The following ARMH1 variants were observed in gnomAD, a reference collection of about 807,000 sequenced individuals.
The protein encoded by ARMH1 is armadillo-like helical domain containing protein 1.
Under a neutral mutation model 50.2 loss-of-function variants are expected in ARMH1, and 34 were observed. The ratio of observed to expected loss-of-function variants is 0.68; its 90% CI spans 0.51 to 0.90. The LOEUF (loss-of-function observed/expected upper bound fraction) is 0.90, where lower values mean the gene tolerates loss of function less well. Ranked by LOEUF, ARMH1 falls within the 40% of genes least tolerant of loss-of-function variation. The probability of loss-of-function intolerance (pLI) is 0.00; values close to 1 mark genes in which losing one functional copy is unlikely to be tolerated. For missense variants in ARMH1, 538 were observed against 553.9 expected (o/e 0.97, Z 0.29); for synonymous variants, 221 against 224.2 (o/e 0.99, Z 0.13).
chr1:44,722,224 G>C (rs113748310), intron 6 of ARMH1, among the ~76,000 whole-genome samples: 86 of 152,178 alleles, frequency 5.7e-4, no homozygotes, highest in South Asian at 1.9e-3. Context: ...GAGAGCACAT[G>C]GCCAAGTCCT....
At chr1:44,704,896 G>A (rs147003478) in intron 6 of ARMH1, among the ~76,000 whole-genome samples, 4,069 of 149,044 alleles carry the variant, frequency 0.027, 143 homozygotes, top group African/African-American at 0.082. Context: ...GTGCAGTGGC[G>A]CAATCTCAGC....
At chr1:44,719,127 C>A (rs1646975844) in intron 6 of ARMH1, among the ~76,000 whole-genome samples, 1 of 152,004 alleles carries the variant, frequency 6.6e-6, no homozygotes, top group Non-Finnish European at 1.5e-5. Flanking sequence ...GTCTGTCCCC[C>A]AAAGGGTGAA....
intron 2 of ARMH1, among the ~76,000 whole-genome samples, chr1:44,692,323 C>T (rs1400810071): frequency 6.6e-6 from 1 of 152,160 alleles, no homozygotes; most frequent in Admixed American, 6.5e-5. Context: ...TCAATTTAAA[C>T]ATCACTTTCT....
intron 4 of ARMH1, among the ~76,000 whole-genome samples, chr1:44,699,488 C>A (rs1248469327): frequency 6.6e-6 from 1 of 151,960 alleles, no homozygotes; most frequent in East Asian, 1.9e-4. Flanking sequence ...CTCACTCTAT[C>A]GCCCAGGCTG....
At chr1:44,675,532 G>A (rs766636840) in intron 1 of ARMH1, among the ~76,000 whole-genome samples, 1 of 152,054 alleles carries the variant, frequency 6.6e-6, no homozygotes, top group Non-Finnish European at 1.5e-5. Flanking sequence ...GCATGGTAGC[G>A]CATGCCTGAA....
At chr1:44,689,957 C>G in intron 2 of ARMH1, 54 bp downstream of exon 2, 1 of 1,478,898 alleles carries the variant, frequency 6.8e-7, no homozygotes, top group Non-Finnish European at 9.2e-7. Context: ...CGGTGGCTCA[C>G]GCCTGTAATC....
chr1:44,710,297 G>T (rs1338893962), intron 6 of ARMH1, among the ~76,000 whole-genome samples: 1 of 152,054 alleles, frequency 6.6e-6, no homozygotes, highest in Non-Finnish European at 1.5e-5. Context: ...ATTCTAAGAG[G>T]TATGATTGAT....
rs1300873303 is a variant in ARMH1 at position 44,681,862 on chromosome 1, A to G, written c.-23+6989A>G. Among the ~76,000 whole-genome samples the G allele has an allele frequency of 6.6e-6, 1 of 152,124 alleles. No homozygotes were observed. The highest frequency in any genetic ancestry group is 6.6e-5 in the Admixed American group (1 of 15,258). ...CAGATTTGGGGTGTGGGTTTTGGGTATGAAAGCTGTGTTGGTTGGAGGTGA... is the reference window on the plus strand; with the variant it reads ...CAGATTTGGGGTGTGGGTTTTGGGTGTGAAAGCTGTGTTGGTTGGAGGTGA... On this transcript the variant is annotated intron_variant, in intron 1 of 11. Coordinates refer to ENST00000535358, the MANE Select transcript of ARMH1 (RefSeq NM_001145636.2). The surrounding 1 kb of genome is among the most constrained non-coding windows in gnomAD (Gnocchi z 4.3).
In ARMH1 at chr1:44,724,313, T is replaced by A. The variant is rs1647888273; in HGVS notation, c.848-7T>A. 2 of 1,551,130 alleles carry A rather than the reference T, an allele frequency of 1.3e-6. No homozygotes were observed. The highest frequency in any genetic ancestry group is 4.9e-5 in the East Asian group (2 of 40,902). On this transcript the variant is annotated splice_region_variant and splice_polypyrimidine_tract_variant and intron_variant, in intron 7 of 11. Coordinates refer to ENST00000535358, the MANE Select transcript of ARMH1 (RefSeq NM_001145636.2). This position sits in a 1 kb window ranked among gnomAD's most constrained non-coding sequence, Gnocchi z 6.4. ...GGTCTCTTGCCTCACGGCTGCCCCC[T>A]CCTCAGACCCCTCGGTTCTCCAGCT...
intron 1 of ARMH1, among the ~76,000 whole-genome samples, chr1:44,677,492 AT>A: frequency 6.6e-6 from 1 of 152,098 alleles, no homozygotes; most frequent in Non-Finnish European, 1.5e-5. Context: ...GTGAAAAAAA[AT>A]GTATGGACTA....
intron 6 of ARMH1, among the ~76,000 whole-genome samples, chr1:44,713,872 C>T (rs1646727849): frequency 6.6e-6 from 1 of 152,152 alleles, no homozygotes; most frequent in African/African-American, 2.4e-5. Flanking sequence ...AATAAAAATA[C>T]CACCATAGCA....
rs372837628 is a variant in ARMH1, at chr1:44,686,606, G to T, written c.-22-3070G>T. The stretch of plus-strand genomic sequence containing the variant: ...TAGGAGAATCGCAGGAACCTGGGAG[G>T]CAGAGGCTGCAGTGAGCCAAGATCA... On this transcript the variant is annotated intron_variant, in intron 1 of 11. Transcript: ENST00000535358. 1.4e-4 allele frequency among the ~76,000 whole-genome samples: 21 copies of T among 152,100 alleles called. No individual in the cohort carries two copies. The East Asian group carries it at 3.7e-3, about 27-fold the overall frequency.
In ARMH1 at chr1:44,686,767, AG is replaced by A. The variant is rs762499707; in HGVS notation, c.-22-2908del. Among the ~76,000 whole-genome samples the A allele has an allele frequency of 4.0e-5, 6 of 151,690 alleles. No individual in the cohort carries two copies. In the East Asian group the frequency reaches 1.2e-3, roughly 30 times the overall value. ...GATAGAAAGAAAAAAAATGGGAGTT[AG>A]AGTGGTGCAATAAAACTGATTCCTC... On this transcript the variant is annotated intron_variant, in intron 1 of 11. Coordinates refer to ENST00000535358, the MANE Select transcript of ARMH1 (RefSeq NM_001145636.2).
At chr1:44,719,430 C>A (rs1425471793) in intron 6 of ARMH1, among the ~76,000 whole-genome samples, 2 of 152,184 alleles carry the variant, frequency 1.3e-5, no homozygotes, top group African/African-American at 4.8e-5. Flanking sequence ...TCATTCTCTT[C>A]TTCCTGCCGA....
At chr1:44,710,226 G>A (rs534836704) in intron 6 of ARMH1, among the ~76,000 whole-genome samples, 22 of 152,214 alleles carry the variant, frequency 1.4e-4, no homozygotes, top group East Asian at 5.8e-4. Context: ...ACTGGTGGTC[G>A]CAAGAACCTC....
chr1:44,687,294 G>A (rs1225521027), intron 1 of ARMH1, among the ~76,000 whole-genome samples: 1 of 152,058 alleles, frequency 6.6e-6, no homozygotes, highest in Non-Finnish European at 1.5e-5. Context: ...CAATCATATT[G>A]GATAAAGGCC....
chr1:44,716,178 C>A (rs1329281409), intron 6 of ARMH1, among the ~76,000 whole-genome samples: 2 of 151,940 alleles, frequency 1.3e-5, no homozygotes, highest in East Asian at 3.9e-4. Context: ...TCCAGGTCTT[C>A]TTCTCCTTCT....
intron 1 of ARMH1, among the ~76,000 whole-genome samples, chr1:44,676,304 A>G (rs1016034696): frequency 1.5e-4 from 23 of 152,198 alleles, no homozygotes; most frequent in Admixed American, 7.2e-4. Context: ...AGGTATCCAG[A>G]AGGCCATTGG....
rs763841475 is a variant in ARMH1 at position 44,724,239 on chromosome 1, T to C, written c.842T>C (p.Leu281Pro). 2.1e-5 allele frequency: 32 copies of C among 1,551,648 alleles called. No homozygotes were observed. In the Admixed American group the frequency reaches 4.3e-4, roughly 21 times the overall value. The change falls in exon 7 of 12, where the codon CTC becomes CCC. Residue 281 changes from leucine (L) to proline (P), a missense_variant. By Grantham distance (98) the Leu-to-Pro change is moderately conservative. Transcript: ENST00000535358. This position sits in a 1 kb window ranked among gnomAD's most constrained non-coding sequence, Gnocchi z 6.4. ...KEISKLQAKILSDPSVLQLTP... is the reference protein window; with the variant it reads ...KEISKLQAKIPSDPSVLQLTP... ...ATCTCCAAACTGCAGGCCAAGATCCTCAGTGGTAAGGACCTGCTCAAATGG... is the reference window on the plus strand; with the variant it reads ...ATCTCCAAACTGCAGGCCAAGATCCCCAGTGGTAAGGACCTGCTCAAATGG...
Sources: allele counts gnomAD v4.1 joint callset (sites outside exome capture counted in the v4.1 genomes callset), GRCh38; gene constraint gnomAD v4.1.1; non-coding constraint Gnocchi (gnomAD v3.1); transcripts MANE v1.5; gene names NCBI Gene and HGNC (gene_info 2026-07-23, HGNC 2026-07-21).